The following IGFN1 variants were observed in gnomAD, a reference collection of about 807,000 sequenced individuals.
The protein encoded by IGFN1 is immunoglobulin like and fibronectin type III domain containing 1.
IGFN1 carries 253 observed loss-of-function variants against 289.5 expected under a neutral mutation model. The ratio of observed to expected loss-of-function variants is 0.87; its 90% CI spans 0.79 to 0.97. IGFN1 has a LOEUF of 0.97. Ranked by LOEUF, IGFN1 falls within the 50% of genes least tolerant of loss-of-function variation. The probability of loss-of-function intolerance (pLI) is 0.00; values close to 1 mark genes in which losing one functional copy is unlikely to be tolerated. For synonymous variants in IGFN1, 1,706 were observed against 1,788.5 expected (o/e 0.95, Z 1.16); for missense variants, 4,470 against 4,686.1 (o/e 0.95, Z 1.35).
In IGFN1 at chr1:201,221,539, G is replaced by A; in HGVS notation, c.9994G>A (p.Glu3332Lys). ...TGGGCCAGACACCCAGGAAGGGGAT[G>A]AAGCCCAGGGGTATGTGGTGGAGCT... ...WAGPDTQEGDEAQGYVVELCS... is the reference protein window; with the variant it reads ...WAGPDTQEGDKAQGYVVELCS... The change falls in exon 19 of 24, where the codon GAA becomes AAA. Residue 3332 changes from glutamate to lysine, a missense_variant. Around this residue, in one of 8 missense-constraint regions of IGFN1, gnomAD observed 2,218 missense variants for 2,114.1 expected, o/e 1.05. Coordinates refer to ENST00000335211, the MANE Select transcript of IGFN1 (RefSeq NM_001164586.2). The A allele has an allele frequency of 6.2e-7, 1 of 1,614,146 alleles. No homozygotes were observed. The highest frequency in any genetic ancestry group is 8.5e-7 in the Non-Finnish European group (1 of 1,179,982).
intron 15 of IGFN1, 43 bp downstream of exon 15, chr1:201,215,881 G>A: frequency 6.3e-7 from 1 of 1,582,836 alleles, no homozygotes; most frequent in Non-Finnish European, 8.6e-7. Flanking sequence ...GAGAGTCCCT[G>A]GGGTTCTGGG....
Position 201,224,740 on chromosome 1 carries a change from T to C in IGFN1, c.10352T>C (p.Val3451Ala), listed in dbSNP as rs1288862487. The C allele has an allele frequency of 1.2e-6, 2 of 1,614,078 alleles. No homozygotes were observed. Among genetic ancestry groups the C allele is most frequent in the Admixed American group, 3.3e-5 (2 of 60,006 alleles). ...GGCTTGCCCTTGCCCAAAAGAAGTG[T>C]GACTGTCACTAAGGATGGCCTCACC... ...KDGLPLPKRS[V>A]TVTKDGLTQL... Residue 3451 changes from valine (V) to alanine (A), a missense_variant, in exon 21 of 24, where the codon GTG becomes GCG. By Grantham distance (64) the Val-to-Ala change is moderately conservative. Around this residue, in one of 8 missense-constraint regions of IGFN1, gnomAD observed 2,218 missense variants for 2,114.1 expected, o/e 1.05. Transcript: ENST00000335211.
At chr1:201,222,541 C>T in intron 19 of IGFN1, 198 bp from the exon 20 acceptor site, 1 of 473,160 alleles carries the variant, frequency 2.1e-6, no homozygotes, top group Non-Finnish European at 3.8e-6. Context: ...CTAGCATCTC[C>T]CCATCAGCCC....
In IGFN1 at chr1:201,206,772, A is replaced by G; in HGVS notation, c.1879A>G (p.Ile627Val). The change falls in exon 12 of 24, where the codon ATA (isoleucine) becomes GTA (valine). Residue 627 changes from isoleucine to valine, a missense_variant. Physicochemically the swap from Ile to Val is conservative, Grantham distance 29. Around this residue, in one of 8 missense-constraint regions of IGFN1, gnomAD observed 2,011 missense variants for 1,953.4 expected, o/e 1.03. Transcript: ENST00000335211. ...AGGGTCCTGGCCAAGAGGAAAGCAGATAGAGATTTCACAGGATGACAGCCT... is the reference window on the plus strand; with the variant it reads ...AGGGTCCTGGCCAAGAGGAAAGCAGGTAGAGATTTCACAGGATGACAGCCT... ...PVGSWPRGKQIEISQDDSLAE... is the reference protein window; with the variant it reads ...PVGSWPRGKQVEISQDDSLAE... 2 of 1,536,872 alleles carry G rather than the reference A, an allele frequency of 1.3e-6. No individual in the cohort carries two copies. Among genetic ancestry groups the G allele is most frequent in the Non-Finnish European group, 1.7e-6 (2 of 1,146,906 alleles).
At chr1:201,214,589 C>T (rs1048816604) in intron 13 of IGFN1, among the ~76,000 whole-genome samples, 4 of 152,230 alleles carry the variant, frequency 2.6e-5, no homozygotes, top group Middle Eastern at 3.4e-3. Context: ...TTCAAGGCCT[C>T]GTACAAATGC....
chr1:201,219,984 G>A (rs201043884), intron 18 of IGFN1, among the ~76,000 whole-genome samples: 3 of 70,016 alleles, frequency 4.3e-5, no homozygotes, highest in African/African-American at 1.3e-4. Context: ...TCTTTTTTCT[G>A]TCTGTCTGTC....
rs763203515 is a variant in IGFN1, at chr1:201,211,892, G to T, written c.6999G>T (p.Gly2333=). The change falls in exon 12 of 24, where the codon GGG becomes GGT. Residue 2333 remains glycine (G), a synonymous_variant. Coordinates refer to ENST00000335211, the MANE Select transcript of IGFN1 (RefSeq NM_001164586.2). The stretch of plus-strand genomic sequence containing the variant: ...GCTTTGGGGGAACTAGTGGCATGGG[G>T]TCAGGGAGTGAGGTCAGTTATAGAG... ...RQGFGGTSGM[G]SGSEVSYRGG... The T allele has an allele frequency of 2.2e-5, 34 of 1,530,210 alleles. No homozygotes were observed. The highest frequency in any genetic ancestry group is 1.7e-4 in the Middle Eastern group (1 of 5,978). 94.8% of individuals were successfully genotyped at this position (1,530,210 alleles called of 1,614,324 possible). A position where few individuals can be genotyped will look rare whatever the true frequency, so the allele number is the denominator to read the frequency against.
Position 201,206,381 on chromosome 1 carries a change from G to C in IGFN1, c.1488G>C (p.Glu496Asp). The change falls in exon 12 of 24, where the codon GAG (glutamate) becomes GAC (aspartate). Residue 496 changes from glutamate to aspartate, a missense_variant. By Grantham distance (45) the Glu-to-Asp change is conservative. Transcript: ENST00000335211. ...AGGGCGAGGGCTTTCCAGTAGCAGAGGGAAGCAGAGCCACTCTTCCCAGGG... is the reference window on the plus strand; with the variant it reads ...AGGGCGAGGGCTTTCCAGTAGCAGACGGAAGCAGAGCCACTCTTCCCAGGG... Reference protein sequence around the residue: ...GQEGEGFPVAEGSRATLPREN... With the variant: ...GQEGEGFPVADGSRATLPREN... 1 of 1,550,638 alleles carries C rather than the reference G, an allele frequency of 6.4e-7. No individual in the cohort carries two copies. The highest frequency in any genetic ancestry group is 1.2e-5 in the South Asian group (1 of 84,060).
Position 201,206,669 on chromosome 1 carries a change from C to T in IGFN1, c.1776C>T (p.Ala592=). Residue 592 remains alanine, a synonymous_variant, in exon 12 of 24, where the codon GCC becomes GCT. Transcript: ENST00000335211. Reference sequence around the variant, plus strand: ...GTGGAAGACAACTGGACAGGCATGCCCCAGAGCAACTGTGGGATGCTCGAC... The same window carrying T: ...GTGGAAGACAACTGGACAGGCATGCTCCAGAGCAACTGTGGGATGCTCGAC... ...GDSGRQLDRH[A]PEQLWDARLG... 1 of 1,537,212 alleles carries T rather than the reference C, an allele frequency of 6.5e-7. No individual in the cohort carries two copies. Among genetic ancestry groups the T allele is most frequent in the Non-Finnish European group, 8.7e-7 (1 of 1,146,876 alleles).
Position 201,225,980 on chromosome 1 carries a change from C to A in IGFN1, c.10643C>A (p.Ala3548Asp), listed in dbSNP as rs1162984347. ...GCGCACGGTCCCTGGCACGAGGCAG[C>A]CGACCGCATCCACACCAACCGCTTC... ...SSAHGPWHEA[A>D]DRIHTNRFTL... The change falls in exon 22 of 24, where the codon GCC becomes GAC. Residue 3548 changes from alanine (A) to aspartate (D), a missense_variant. By Grantham distance (126) the Ala-to-Asp change is moderately radical. Coordinates refer to ENST00000335211, the MANE Select transcript of IGFN1 (RefSeq NM_001164586.2). 6.3e-7 allele frequency: 1 copy of A among 1,581,726 alleles called. No individual in the cohort carries two copies. Among genetic ancestry groups the A allele is most frequent in the East Asian group, 2.3e-5 (1 of 44,152 alleles).
chr1:201,216,420 C>T (rs773331365), intron 15 of IGFN1, 34 bp from the exon 16 acceptor site: 2 of 1,506,002 alleles, frequency 1.3e-6, no homozygotes, highest in Non-Finnish European at 8.8e-7. Flanking sequence ...TCCTCTGACC[C>T]CTCCTCTTCC....
At chr1:201,204,917 G>A (rs898170422) in intron 10 of IGFN1, among the ~76,000 whole-genome samples, 165 bp from the exon 11 acceptor site, 1 of 152,082 alleles carries the variant, frequency 6.6e-6, no homozygotes, top group African/African-American at 2.4e-5. Context: ...ATTTTACTTG[G>A]GGGGAATTGA....
At position 201,211,298 on chromosome 1, in the gene IGFN1, G is replaced by A. The variant is rs1267476024; in HGVS notation, c.6405G>A (p.Gly2135=). The A allele has an allele frequency of 1.3e-6, 2 of 1,531,154 alleles. No individual in the cohort carries two copies. Among genetic ancestry groups the A allele is most frequent in the East Asian group, 4.9e-5 (2 of 40,484 alleles). 94.8% of individuals were successfully genotyped at this position (1,531,154 alleles called of 1,614,324 possible). A position where few individuals can be genotyped will look rare whatever the true frequency, so the allele number is the denominator to read the frequency against. ...GTTTAGGGAGTTCTACAGAAATGGG[G>A]TCAGTGAATGAGGCAGGTTATAGGA... ...RDGLGSSTEM[G]SVNEAGYRKD... Residue 2135 remains glycine (G), a synonymous_variant, in exon 12 of 24, where the codon GGG becomes GGA. Transcript: ENST00000335211.
At position 201,221,764 on chromosome 1, in the gene IGFN1, C is replaced by T. The variant is rs544085135; in HGVS notation, c.10201+18C>T. 2 of 1,558,558 alleles carry T rather than the reference C, an allele frequency of 1.3e-6. No individual in the cohort carries two copies. The highest frequency in any genetic ancestry group is 4.5e-5 in the East Asian group (2 of 44,294). ...TGTTACTGGTGAGTGCTGCCTCCTT[C>T]CCCGACCCCTGAGCCCTGCAGGCCT... is the stretch of plus-strand genomic sequence containing the variant. On this transcript the variant is annotated intron_variant, in intron 19 of 23. Coordinates refer to ENST00000335211, the MANE Select transcript of IGFN1 (RefSeq NM_001164586.2).
At position 201,211,618 on chromosome 1, in the gene IGFN1, T is replaced by C; in HGVS notation, c.6725T>C (p.Met2242Thr). 1.3e-6 allele frequency: 2 copies of C among 1,535,152 alleles called. No homozygotes were observed. The highest frequency in any genetic ancestry group is 1.2e-5 in the South Asian group (1 of 83,870). ...FRDGLGSSGE[M>T]GSMDEADYRK... ...GATGGTTTAGGGAGTTCTGGGGAAA[T>C]GGGGTCAATGGATGAGGCAGATTAT... The change falls in exon 12 of 24, where the codon ATG becomes ACG. Residue 2242 changes from methionine to threonine, a missense_variant. Around this residue, in one of 8 missense-constraint regions of IGFN1, gnomAD observed 2,218 missense variants for 2,114.1 expected, o/e 1.05. Coordinates refer to ENST00000335211, the MANE Select transcript of IGFN1 (RefSeq NM_001164586.2).
rs1377418309 is a variant in IGFN1, at chr1:201,214,980, G to T, written c.8854-33G>T. 2.5e-6 allele frequency: 4 copies of T among 1,605,246 alleles called. No homozygotes were observed. The African/African-American group carries it at 4.0e-5, about 16-fold the overall frequency. On this transcript the variant is annotated intron_variant, in intron 13 of 23. Coordinates refer to ENST00000335211, the MANE Select transcript of IGFN1 (RefSeq NM_001164586.2). ...CCTGAAGGAACTGGGATGGGAGTGG[G>T]GTGACCTTCTCCTGCTGTGGCCCTG...
At chr1:201,214,962 G>T in intron 13 of IGFN1, 51 bp from the exon 14 acceptor site, 1 of 1,588,394 alleles carries the variant, frequency 6.3e-7, no homozygotes, top group South Asian at 1.2e-5. Flanking sequence ...TGGCCTGAAG[G>T]AACTGGGATG....
intron 2 of IGFN1, among the ~76,000 whole-genome samples, 156 bp from the exon 3 acceptor site, chr1:201,193,998 C>T (rs1206967130): frequency 2.0e-5 from 3 of 152,284 alleles, no homozygotes; most frequent in East Asian, 1.9e-4. Context: ...GCACTGTGCA[C>T]AGGCAGGAGG....
Position 201,195,988 on chromosome 1 carries a change from G to A in IGFN1, c.267+10G>A, listed in dbSNP as rs143872238. ...GGAGCACGTGCTGCAGGTAAGAACCGTAGCTCTTCCCCTGACCAGGGTCTA... is the reference window on the plus strand; with the variant it reads ...GGAGCACGTGCTGCAGGTAAGAACCATAGCTCTTCCCCTGACCAGGGTCTA... On this transcript the variant is annotated intron_variant, in intron 4 of 23. Transcript: ENST00000335211. 2.2e-5 allele frequency: 34 copies of A among 1,550,956 alleles called. No individual in the cohort carries two copies. Among genetic ancestry groups the A allele is most frequent in the Admixed American group, 3.9e-5 (2 of 50,930 alleles).
Sources: allele counts gnomAD v4.1 joint callset (sites outside exome capture counted in the v4.1 genomes callset), GRCh38; gene constraint gnomAD v4.1.1; regional missense constraint gnomAD v4.1.1; transcripts MANE v1.5; gene names NCBI Gene and HGNC (gene_info 2026-07-23, HGNC 2026-07-21).